TRPC5: variants seen among roughly 807,000 people sequenced by gnomAD.
TRPC5 encodes the protein short transient receptor potential channel 5.
In TRPC5, 9 loss-of-function variants were observed where a neutral mutation model predicts 56.5. The ratio of observed to expected loss-of-function variants is 0.16; its 90% CI spans 0.10 to 0.28. The LOEUF (loss-of-function observed/expected upper bound fraction) is 0.28. Ranked by LOEUF, TRPC5 falls within the 10% of genes least tolerant of loss-of-function variation. The probability of loss-of-function intolerance (pLI) is 1.00; values close to 1 mark genes in which losing one functional copy is unlikely to be tolerated. For synonymous variants in TRPC5, 282 were observed against 278.5 expected, an observed-to-expected ratio of 1.01 and a Z score of -0.13; for missense variants, 469 against 748.9, an observed-to-expected ratio of 0.63 and a Z score of 4.36.
chrX:111,933,672 T>A (rs1286378128), intron 2 of TRPC5, among the ~76,000 whole-genome samples: 2 of 111,582 alleles, frequency 1.8e-5, no homozygotes, highest in African/African-American at 6.5e-5. Context: ...TGCAGCCAAC[T>A]CCCTTGGTCC....
At chrX:111,953,913 A>C (rs1222028438) in intron 1 of TRPC5, among the ~76,000 whole-genome samples, 2 of 111,492 alleles carry the variant, frequency 1.8e-5, no homozygotes, top group African/African-American at 6.5e-5. Flanking sequence ...GGCCCAAATG[A>C]CAAATTTCTC....
chrX:111,901,486 G>A (rs1489194707), intron 3 of TRPC5: 2 of 122,164 alleles, frequency 1.6e-5, no homozygotes, highest in Non-Finnish European at 3.3e-5. Flanking sequence ...TAGCCTGTAG[G>A]ATGGATAAAG....
chrX:111,894,814 T>C (rs1924981911), intron 3 of TRPC5, among the ~76,000 whole-genome samples: 1 of 111,872 alleles, frequency 8.9e-6, no homozygotes, highest in Admixed American at 9.5e-5. Flanking sequence ...TTTTAACATA[T>C]GTGATTATAT....
At chrX:111,930,386 A>G (rs1251319220) in intron 2 of TRPC5, among the ~76,000 whole-genome samples, 3 of 111,056 alleles carry the variant, frequency 2.7e-5, no homozygotes, top group African/African-American at 9.8e-5. Flanking sequence ...GTGTATACCT[A>G]TGTAACAAAC....
At chrX:111,883,990 C>G (rs1018771621) in intron 3 of TRPC5, among the ~76,000 whole-genome samples, 4 of 112,594 alleles carry the variant, frequency 3.6e-5, no homozygotes, top group African/African-American at 1.3e-4. Context: ...CTAGCCATTA[C>G]CTAACACTAG....
chrX:112,006,603 T>G (rs1263805090), intron 1 of TRPC5, among the ~76,000 whole-genome samples: 2 of 111,151 alleles, frequency 1.8e-5, no homozygotes, highest in African/African-American at 6.6e-5. Flanking sequence ...TGTTAATCAT[T>G]CTGCTGAAGT....
At chrX:112,069,835 C>G (rs1406038905) in intron 1 of TRPC5, among the ~76,000 whole-genome samples, 3 of 111,303 alleles carry the variant, frequency 2.7e-5, no homozygotes, top group Non-Finnish European at 5.7e-5. Flanking sequence ...TCCTGGACAC[C>G]ATAAAGCTTG....
intron 7 of TRPC5, among the ~76,000 whole-genome samples, chrX:111,799,013 T>C (rs1420028030): frequency 9.0e-6 from 1 of 111,721 alleles, no homozygotes; most frequent in Non-Finnish European, 1.9e-5. Context: ...CAGACTCTTC[T>C]TGAAGAGAAA....
At chrX:111,957,402 C>T (rs1285799025) in intron 1 of TRPC5, among the ~76,000 whole-genome samples, 1 of 112,090 alleles carries the variant, frequency 8.9e-6, no homozygotes, top group East Asian at 2.8e-4. Flanking sequence ...AGGTAAGACT[C>T]AACACTTATT....
rs182170209 is a variant in TRPC5, at chrX:111,878,762, C to T, written c.901-24656G>A. On this transcript the variant is annotated intron_variant, in intron 3 of 10. Coordinates refer to ENST00000262839, the MANE Select transcript of TRPC5 (RefSeq NM_012471.3). ...GAACAACTGCTTTAGGTGATCTGGG[C>T]CTAGTCTGTTTATCCCTTTGTCCTT... 2.2e-3 allele frequency among the ~76,000 whole-genome samples: 246 copies of T among 111,554 alleles called. 1 individual carries two copies. The highest frequency in any genetic ancestry group is 7.8e-3 in the African/African-American group (240 of 30,654).
chrX:111,967,858 A>T (rs1927646969), intron 1 of TRPC5, among the ~76,000 whole-genome samples: 1 of 112,013 alleles, frequency 8.9e-6, no homozygotes, highest in South Asian at 3.7e-4. Context: ...TAGCCCTAAA[A>T]CCATAACAAC....
At position 112,067,526 on chromosome X, in the gene TRPC5, G is replaced by T. The variant is rs773011091; in HGVS notation, c.-22+14353C>A. 1.2e-4 allele frequency among the ~76,000 whole-genome samples: 13 copies of T among 111,971 alleles called. No homozygotes were observed. In the East Asian group the frequency reaches 3.4e-3, roughly 29 times the overall value. On this transcript the variant is annotated intron_variant, in intron 1 of 10. Transcript: ENST00000262839. ...TGACTCCAGAGTCTTGTCACTGAGAGGTCATCCTAATTGTCTCTGCTACCC... is the reference window on the plus strand; with the variant it reads ...TGACTCCAGAGTCTTGTCACTGAGATGTCATCCTAATTGTCTCTGCTACCC...
intron 7 of TRPC5, among the ~76,000 whole-genome samples, chrX:111,818,503 A>G (rs903767772): frequency 9.0e-6 from 1 of 111,415 alleles, no homozygotes; most frequent in Admixed American, 9.6e-5. Context: ...AAGTAGGTGT[A>G]CAATCAAATT....
intron 1 of TRPC5, among the ~76,000 whole-genome samples, chrX:111,968,894 G>A (rs1052603391): frequency 1.6e-4 from 17 of 104,661 alleles, no homozygotes; most frequent in Non-Finnish European, 3.3e-4. Context: ...GTTAATGGGT[G>A]CAACACACCA....
At chrX:111,923,410 A>C (rs79712134) in intron 2 of TRPC5, among the ~76,000 whole-genome samples, 1 of 112,063 alleles carries the variant, frequency 8.9e-6, no homozygotes, top group Non-Finnish European at 1.9e-5. Context: ...ATCTATGAGA[A>C]AAAAAATTCA....
intron 3 of TRPC5, among the ~76,000 whole-genome samples, chrX:111,898,842 T>C (rs1569527682): frequency 9.1e-6 from 1 of 109,935 alleles, no homozygotes; most frequent in Non-Finnish European, 1.9e-5. Context: ...AAAGTAGATA[T>C]CAGAATGACA....
chrX:112,076,607 T>C (rs932387964), intron 1 of TRPC5, among the ~76,000 whole-genome samples: 18 of 112,168 alleles, frequency 1.6e-4, no homozygotes, highest in Non-Finnish European at 3.2e-4. Context: ...CCTTGAATTA[T>C]TTTATAATTT....
At chrX:111,825,775 C>T (rs771178043) in intron 7 of TRPC5, among the ~76,000 whole-genome samples, 9 of 111,580 alleles carry the variant, frequency 8.1e-5, no homozygotes, top group South Asian at 3.8e-4. Context: ...GACGGGGAGT[C>T]GCTGCAAAAG....
chrX:112,074,316 T>TA (rs773979357), intron 1 of TRPC5, among the ~76,000 whole-genome samples: 3,278 of 107,163 alleles, frequency 0.031, 133 homozygotes, highest in African/African-American at 0.1. Flanking sequence ...TATATATATA[T>TA]TTTTTATTGG....
Sources: gnomAD v4.1 joint callset for allele counts (sites outside exome capture counted in the v4.1 genomes callset) on GRCh38, gnomAD v4.1.1 for gene constraint, MANE v1.5 for transcripts, NCBI Gene and HGNC (gene_info 2026-07-23, HGNC 2026-07-21) for gene names.